SNAPC3: variants seen among roughly 807,000 people sequenced by gnomAD.
The protein encoded by SNAPC3 is small nuclear RNA activating complex polypeptide 3, also known as snRNA-activating protein complex subunit 3.
Under a neutral mutation model 47.7 loss-of-function variants are expected in SNAPC3, and 56 were observed. The ratio of observed to expected loss-of-function variants is 1.18; its 90% CI spans 0.95 to 1.47. The LOEUF (loss-of-function observed/expected upper bound fraction) is 1.47, where lower values mean the gene tolerates loss of function less well. Ranked by LOEUF, SNAPC3 falls within the 40% of genes most tolerant of loss-of-function variation. SNAPC3 has a pLI of 0.00. For synonymous variants in SNAPC3, 235 were observed against 189.9 expected, an observed-to-expected ratio of 1.24 and a Z score of -1.95; for missense variants, 665 against 511.3, an observed-to-expected ratio of 1.30 and a Z score of -2.90.
intron 2 of SNAPC3, among the ~76,000 whole-genome samples, chr9:15,430,775 ATATTT>A (rs1258105905): frequency 4.6e-5 from 7 of 152,208 alleles, no homozygotes; most frequent in Non-Finnish European, 1.0e-4. Context: ...CCACACGGTA[ATATTT>A]TGCAGCTAGA....
At position 15,451,357 on chromosome 9, in the gene SNAPC3, C is replaced by G; in HGVS notation, c.770C>G (p.Thr257Arg). 1 of 1,550,102 alleles carries G rather than the reference C, an allele frequency of 6.5e-7. No homozygotes were observed. The highest frequency in any genetic ancestry group is 8.8e-7 in the Non-Finnish European group (1 of 1,131,732). The change falls in exon 6 of 9, where the codon ACA (threonine) becomes AGA (arginine). Residue 257 changes from threonine to arginine, a missense_variant. Physicochemically the swap from Thr to Arg is moderately conservative, Grantham distance 71. Transcript: ENST00000380821. ...YKSAFFYFEGTFYNDKRYPEC... is the reference protein window; with the variant it reads ...YKSAFFYFEGRFYNDKRYPEC... ...TCAGCCTTCTTTTATTTTGAAGGAA[C>G]ATTTTATAATGATAAAAGATACCCA...
downstream of SNAPC3, chr9:15,462,960 G>T (rs1346100594): frequency 6.6e-6 from 1 of 152,148 alleles, no homozygotes; most frequent in Non-Finnish European, 1.5e-5. Flanking sequence ...ATTAGATGCA[G>T]ACCTCATCTT....
chr9:15,459,615 TAAGGA>T, intron 8 of SNAPC3, 99 bp from the exon 9 acceptor site: 1 of 882,750 alleles, frequency 1.1e-6, no homozygotes, highest in Non-Finnish European at 1.8e-6. Flanking sequence ...AACAGACTGA[TAAGGA>T]AATAGAATGT....
At chr9:15,441,346 T>C (rs2033341527) in intron 3 of SNAPC3, among the ~76,000 whole-genome samples, 2 of 150,440 alleles carry the variant, frequency 1.3e-5, no homozygotes, top group South Asian at 4.2e-4. Flanking sequence ...CTGTATCAAT[T>C]TGCATCCTTG....
intron 2 of SNAPC3, among the ~76,000 whole-genome samples, chr9:15,429,308 A>G (rs1451101294): frequency 6.6e-6 from 1 of 152,204 alleles, no homozygotes; most frequent in African/African-American, 2.4e-5. Context: ...AACCTGGGTA[A>G]TTTCTGTACC....
At chr9:15,458,674 T>A (rs1006415092) in intron 8 of SNAPC3, among the ~76,000 whole-genome samples, 6 of 151,926 alleles carry the variant, frequency 3.9e-5, no homozygotes, top group South Asian at 2.1e-4. Flanking sequence ...AAAAAAAAAA[T>A]TTGTTGCTTT....
At chr9:15,441,378 C>CTTTTTTTTTTT (rs1351664407) in intron 3 of SNAPC3, among the ~76,000 whole-genome samples, 41 of 40,466 alleles carry the variant, frequency 1.0e-3, no homozygotes, top group African/African-American at 3.0e-3. Context: ...CAAGAGTTCC[C>CTTTTTTTTTTT]TTTTCTTTTT....
chr9:15,425,758 C>T (rs1255552158), intron 2 of SNAPC3, among the ~76,000 whole-genome samples: 1 of 152,204 alleles, frequency 6.6e-6, no homozygotes, highest in African/African-American at 2.4e-5. Flanking sequence ...AAATGCACAT[C>T]TGATTGTCAC....
In SNAPC3 at chr9:15,452,348, C is replaced by T. The variant is rs528003524; in HGVS notation, c.816-693C>T. On this transcript the variant is annotated intron_variant, in intron 6 of 8. Coordinates refer to ENST00000380821, the MANE Select transcript of SNAPC3 (RefSeq NM_001039697.2). ...TTTTTTTTTTTTTTTGAGACAGTTT[C>T]GCTCTTGTTGCCCAGGCTGGAGTGC... Among the ~76,000 whole-genome samples, 9 of 132,076 alleles carry T rather than the reference C, an allele frequency of 6.8e-5. No homozygotes were observed. The East Asian group carries it at 6.9e-4, about 10-fold the overall frequency. 86.6% of individuals were successfully genotyped at this position (132,076 alleles called of 152,430 possible). A position where few individuals can be genotyped will look rare whatever the true frequency, so the allele number is the denominator to read the frequency against.
intron 5 of SNAPC3, among the ~76,000 whole-genome samples, chr9:15,450,627 G>A (rs2034316825): frequency 1.3e-5 from 2 of 152,350 alleles, no homozygotes; most frequent in South Asian, 4.1e-4. Context: ...TGAAGGACCA[G>A]TTTAACAGAG....
intron 3 of SNAPC3, chr9:15,433,859 T>G (rs2032474515): frequency 2.7e-6 from 1 of 369,548 alleles, no homozygotes; most frequent in African/African-American, 2.1e-5. Flanking sequence ...TATTCTTGTT[T>G]GGTTTTATCT....
chr9:15,442,086 A>G (rs911089406), intron 3 of SNAPC3, among the ~76,000 whole-genome samples: 2 of 147,302 alleles, frequency 1.4e-5, no homozygotes, highest in Non-Finnish European at 3.0e-5. Context: ...TCCCTCCCGG[A>G]CGGGGCGGCT....
At chr9:15,455,521 C>T (rs1293856318) in intron 7 of SNAPC3, among the ~76,000 whole-genome samples, 1 of 151,964 alleles carries the variant, frequency 6.6e-6, no homozygotes, top group Non-Finnish European at 1.5e-5. Context: ...GAGCCAAGAT[C>T]GTGCCATTGC....
intron 2 of SNAPC3, among the ~76,000 whole-genome samples, chr9:15,424,714 T>C (rs2031112579): frequency 6.6e-6 from 1 of 152,214 alleles, no homozygotes; most frequent in Non-Finnish European, 1.5e-5. Flanking sequence ...TATGATAATA[T>C]AGAGAAATTG....
intron 6 of SNAPC3, 31 bp downstream of exon 6, chr9:15,451,433 T>C: frequency 9.4e-7 from 1 of 1,061,490 alleles, no homozygotes; most frequent in South Asian, 1.6e-5. Context: ...CTCAAAGTCT[T>C]TCCTATTTCT....
At chr9:15,447,376 C>G in intron 5 of SNAPC3, 132 bp downstream of exon 5, 1 of 743,164 alleles carries the variant, frequency 1.3e-6, no homozygotes, top group Admixed American at 2.3e-5. Context: ...TACACTATCT[C>G]ATTCCTTCCC....
chr9:15,466,724 G>T, downstream of SNAPC3: 2 of 1,541,652 alleles, frequency 1.3e-6, no homozygotes, highest in Non-Finnish European at 1.8e-6. Context: ...AAACACACAA[G>T]ACCCATTAAA....
intron 2 of SNAPC3, among the ~76,000 whole-genome samples, chr9:15,431,220 G>A (rs1291213073): frequency 6.6e-6 from 1 of 152,134 alleles, no homozygotes; most frequent in Non-Finnish European, 1.5e-5. Flanking sequence ...GGTTTTCCTA[G>A]TGCCCTTGAG....
intron 6 of SNAPC3, among the ~76,000 whole-genome samples, chr9:15,451,853 T>C (rs1033459472): frequency 6.6e-6 from 1 of 152,216 alleles, no homozygotes; most frequent in Non-Finnish European, 1.5e-5. Flanking sequence ...TATATATATA[T>C]TGCTTAAGTA....
Sources: allele counts gnomAD v4.1 joint callset (sites outside exome capture counted in the v4.1 genomes callset), GRCh38; gene constraint gnomAD v4.1.1; transcripts MANE v1.5; gene names NCBI Gene and HGNC (gene_info 2026-07-23, HGNC 2026-07-21).